OPCML: variants seen among roughly 807,000 people sequenced by gnomAD.
The protein encoded by OPCML is opioid binding protein/cell adhesion molecule like, also known as opioid-binding protein/cell adhesion molecule.
OPCML carries 13 observed loss-of-function variants against 37.8 expected under a neutral mutation model. The ratio of observed to expected loss-of-function variants is 0.34; its 90% CI spans 0.22 to 0.55. The LOEUF is 0.55. Among genes scored for constraint, OPCML ranks in the 20% least tolerant of loss-of-function variants. The pLI is 0.91. For synonymous variants in OPCML, 176 were observed against 168.8 expected (o/e 1.04, Z -0.33); for missense variants, 341 against 435.6 (o/e 0.78, Z 1.93).
intron 2 of OPCML, among the ~76,000 whole-genome samples, chr11:132,707,269 T>G (rs747676329): frequency 2.6e-5 from 4 of 152,056 alleles, no homozygotes; most frequent in Admixed American, 6.5e-5. Flanking sequence ...CAAGGCCCAA[T>G]AGAATGCCAG....
At position 133,131,686 on chromosome 11, in the gene OPCML, C is replaced by T. The variant is rs1949606480; in HGVS notation, c.62-188676G>A. Among the ~76,000 whole-genome samples the T allele has an allele frequency of 2.6e-5, 4 of 152,172 alleles. No homozygotes were observed. In the South Asian group the frequency reaches 8.3e-4, roughly 32 times the overall value. On this transcript the variant is annotated intron_variant, in intron 1 of 7. Coordinates refer to ENST00000524381, the MANE Select transcript of OPCML (RefSeq NM_001012393.5). Reference sequence around the variant, plus strand: ...GGTATTTACCTAAATGAGTTAAATACTTATGTCCACATAAAAACCTGCCCA... The same window carrying T: ...GGTATTTACCTAAATGAGTTAAATATTTATGTCCACATAAAAACCTGCCCA...
intron 3 of OPCML, among the ~76,000 whole-genome samples, chr11:132,616,097 C>T (rs1938996448): frequency 6.6e-6 from 1 of 152,196 alleles, no homozygotes; most frequent in Non-Finnish European, 1.5e-5. Context: ...TAGAATAATT[C>T]TACCTATGCT....
chr11:133,064,626 T>G (rs1452184504), intron 1 of OPCML: 1 of 152,218 alleles, frequency 6.6e-6, no homozygotes, highest in Non-Finnish European at 1.5e-5. Flanking sequence ...GGGACTGGCC[T>G]CGGTGAAGGA....
chr11:133,509,814 C>G (rs191941650), intron 1 of OPCML, among the ~76,000 whole-genome samples: 81 of 152,172 alleles, frequency 5.3e-4, no homozygotes, highest in African/African-American at 1.4e-3. Context: ...CACTGAGTAC[C>G]CTTTCTATGT....
intron 1 of OPCML, among the ~76,000 whole-genome samples, chr11:133,040,400 A>G (rs568175349): frequency 6.6e-5 from 10 of 152,278 alleles, no homozygotes; most frequent in Non-Finnish European, 1.3e-4. Flanking sequence ...TGTTGCTTTT[A>G]GTTAAAGGAA....
intron 1 of OPCML, among the ~76,000 whole-genome samples, chr11:132,976,130 A>T (rs1428414035): frequency 6.6e-6 from 1 of 152,184 alleles, no homozygotes; most frequent in African/African-American, 2.4e-5. Context: ...TTATCTGGTC[A>T]TGATAGAGTG....
chr11:132,834,902 T>C (rs1373895303), intron 2 of OPCML, among the ~76,000 whole-genome samples: 12 of 152,036 alleles, frequency 7.9e-5, no homozygotes, highest in Admixed American at 6.5e-4. Context: ...CATTTGGGGT[T>C]GTAAATATGC....
chr11:133,214,571 C>T (rs1592111331), intron 1 of OPCML, among the ~76,000 whole-genome samples: 1 of 152,090 alleles, frequency 6.6e-6, no homozygotes, highest in Non-Finnish European at 1.5e-5. Flanking sequence ...CAAATTTAAT[C>T]CATATAGTTC....
intron 1 of OPCML, among the ~76,000 whole-genome samples, chr11:133,503,233 C>G (rs921619238): frequency 2.6e-5 from 4 of 152,214 alleles, no homozygotes; most frequent in African/African-American, 9.7e-5. Context: ...GATCCCTAAA[C>G]TCATGTTGTT....
In OPCML at chr11:133,450,995, C is replaced by T. The variant is rs148687776; in HGVS notation, c.61+81269G>A. ...TAAACATACCATATATATGTATATG[C>T]AATCTATGTAATCAACACATATGTT... On this transcript the variant is annotated intron_variant, in intron 1 of 7. Transcript: ENST00000524381. Among the ~76,000 whole-genome samples, 777 of 151,778 alleles carry T rather than the reference C, an allele frequency of 5.1e-3. 2 individuals carry two copies. The highest frequency in any genetic ancestry group is 7.8e-3 in the Non-Finnish European group (528 of 68,018).
At chr11:133,286,226 G>A (rs1942292448) in intron 1 of OPCML, among the ~76,000 whole-genome samples, 1 of 151,970 alleles carries the variant, frequency 6.6e-6, no homozygotes, top group African/African-American at 2.4e-5. Flanking sequence ...CGAGGTGGGC[G>A]GATCTCGAGG....
At chr11:132,630,775 A>G (rs1285737924) in intron 3 of OPCML, among the ~76,000 whole-genome samples, 1 of 152,204 alleles carries the variant, frequency 6.6e-6, no homozygotes, top group Non-Finnish European at 1.5e-5. Context: ...ACTCCTTAGT[A>G]TAAGAAATAG....
At chr11:133,058,765 CA>C (rs1436634453) in intron 1 of OPCML, among the ~76,000 whole-genome samples, 1 of 152,186 alleles carries the variant, frequency 6.6e-6, no homozygotes, top group Non-Finnish European at 1.5e-5. Flanking sequence ...AGCTTAACAT[CA>C]ACTGCTGAGA....
chr11:132,833,293 A>C (rs1471255496), intron 2 of OPCML, among the ~76,000 whole-genome samples: 1 of 152,046 alleles, frequency 6.6e-6, no homozygotes, highest in Non-Finnish European at 1.5e-5. Flanking sequence ...CTGTTTTGTT[A>C]AAAACTAAGA....
intron 2 of OPCML, among the ~76,000 whole-genome samples, chr11:132,825,038 TA>T (rs1253540521): frequency 6.6e-6 from 1 of 152,218 alleles, no homozygotes; most frequent in Non-Finnish European, 1.5e-5. Flanking sequence ...CTTCAGTCTC[TA>T]CTATGTTGTT....
chr11:132,662,571 G>C (rs566982146), intron 2 of OPCML, among the ~76,000 whole-genome samples: 2 of 152,300 alleles, frequency 1.3e-5, no homozygotes, highest in Admixed American at 1.3e-4. Flanking sequence ...AATAAAGTAT[G>C]TATGTCTAGA....
At chr11:132,727,361 C>T (rs1040466640) in intron 2 of OPCML, among the ~76,000 whole-genome samples, 1 of 152,160 alleles carries the variant, frequency 6.6e-6, no homozygotes, top group Non-Finnish European at 1.5e-5. Flanking sequence ...TCATTTCTCC[C>T]GGTAACTTGT....
At chr11:132,444,465 G>A (rs1368850492) in intron 4 of OPCML, among the ~76,000 whole-genome samples, 3 of 152,126 alleles carry the variant, frequency 2.0e-5, no homozygotes, top group African/African-American at 7.2e-5. Context: ...GACCCAGTAT[G>A]GCTCATATAA....
rs1945647840 is a variant in OPCML, at chr11:132,943,260, T to C, written c.62-250A>G. 2 of 994,410 alleles carry C rather than the reference T, an allele frequency of 2.0e-6. No individual in the cohort carries two copies. The highest frequency in any genetic ancestry group is 2.8e-5 in the Admixed American group (1 of 35,774). 61.6% of individuals were successfully genotyped at this position (994,410 alleles called of 1,614,324 possible). On this transcript the variant is annotated intron_variant, in intron 1 of 7. Coordinates refer to ENST00000524381, the MANE Select transcript of OPCML (RefSeq NM_001012393.5). The surrounding 1 kb of genome is among the most constrained non-coding windows in gnomAD (Gnocchi z 4.3). ...GTCCGGGCTCTCCGGAGTCTGAGAATTCTTCCTCAGATCCTGCCTCAGCTT... is the reference window on the plus strand; with the variant it reads ...GTCCGGGCTCTCCGGAGTCTGAGAACTCTTCCTCAGATCCTGCCTCAGCTT...
Sources: allele counts gnomAD v4.1 joint callset (sites outside exome capture counted in the v4.1 genomes callset), GRCh38; gene constraint gnomAD v4.1.1; non-coding constraint Gnocchi (gnomAD v3.1); transcripts MANE v1.5; gene names NCBI Gene and HGNC (gene_info 2026-07-23, HGNC 2026-07-21).